PPP6R2: variants seen among roughly 807,000 people sequenced by gnomAD.
PPP6R2 encodes serine/threonine-protein phosphatase 6 regulatory subunit 2.
In PPP6R2, 62 loss-of-function variants were observed where a neutral mutation model predicts 100.2. That is an observed-to-expected ratio of 0.62 (90% confidence interval 0.50 to 0.76). The LOEUF (loss-of-function observed/expected upper bound fraction) is 0.76. Ranked by LOEUF, PPP6R2 falls within the 30% of genes least tolerant of loss-of-function variation. PPP6R2 has a pLI of 0.00. For missense variants in PPP6R2, 1,142 were observed against 1,276.3 expected, an observed-to-expected ratio of 0.89 and a Z score of 1.60; for synonymous variants, 525 against 514.7, an observed-to-expected ratio of 1.02 and a Z score of -0.27.
chr22:50,385,598 C>G (rs1443079602), intron 2 of PPP6R2, among the ~76,000 whole-genome samples: 1 of 151,136 alleles, frequency 6.6e-6, no homozygotes, highest in African/African-American at 2.4e-5. Flanking sequence ...TCACTGCAAC[C>G]TCTCCCTCCC....
the PPP6R2 span, among the ~76,000 whole-genome samples, chr22:50,332,827 T>G: frequency 2.6e-5 from 4 of 152,052 alleles, no homozygotes; most frequent in Admixed American, 6.6e-5. Flanking sequence ...TTTCACCATG[T>G]TGGCCAGGAT....
rs371735944 is a variant in PPP6R2 at position 50,406,730 on chromosome 22, C to T, written c.269C>T (p.Pro90Leu). The T allele has an allele frequency of 9.9e-6, 16 of 1,613,944 alleles. No individual in the cohort carries two copies. Among genetic ancestry groups the T allele is most frequent in the East Asian group, 4.5e-5 (2 of 44,888 alleles). ...TGTGAGCTTCTGACTTGTGATGTGC[C>T]GCAGATCAGCGACCGCCTCGGTGGG... ...TACELLTCDV[P>L]QISDRLGGDE... Residue 90 changes from proline (P) to leucine (L), a missense_variant, in exon 4 of 24, where the codon CCG becomes CTG. Around this residue, in one of 2 missense-constraint regions of PPP6R2, gnomAD observed 592 missense variants for 758.9 expected, o/e 0.78. Coordinates refer to ENST00000612753, the MANE Select transcript of PPP6R2 (RefSeq NM_001242898.2).
chr22:50,424,173 G>C (rs9637354), intron 10 of PPP6R2, among the ~76,000 whole-genome samples: 56,810 of 152,038 alleles, frequency 0.37, 11,033 homozygotes, highest in East Asian at 0.65. Context: ...GAGAGCATGA[G>C]GCTGCTCCCC....
intron 4 of PPP6R2, among the ~76,000 whole-genome samples, chr22:50,412,016 G>C (rs1285536627): frequency 6.6e-6 from 1 of 151,968 alleles, no homozygotes; most frequent in Non-Finnish European, 1.5e-5. Flanking sequence ...CTGCACTCCA[G>C]CCTGGGCCAG....
chr22:50,441,107 C>G, intron 22 of PPP6R2, 81 bp downstream of exon 22: 1 of 1,247,760 alleles, frequency 8.0e-7, no homozygotes, highest in Non-Finnish European at 1.1e-6. Context: ...CTCAGCTCCC[C>G]TGAGAGGAGG....
At chr22:50,421,338 G>A (rs1164879459) in intron 8 of PPP6R2, among the ~76,000 whole-genome samples, 1 of 152,074 alleles carries the variant, frequency 6.6e-6, no homozygotes, top group Non-Finnish European at 1.5e-5. Context: ...TTAGATTATT[G>A]TGATTATTAT....
chr22:50,372,878 G>A (rs1021852781), intron 2 of PPP6R2, among the ~76,000 whole-genome samples: 1 of 151,868 alleles, frequency 6.6e-6, no homozygotes, highest in Non-Finnish European at 1.5e-5. Flanking sequence ...TAGTAGAGAC[G>A]GGGTTTCACC....
At chr22:50,440,081 C>CT (rs771534574) in intron 21 of PPP6R2, 32 bp downstream of exon 21, 2 of 1,583,630 alleles carry the variant, frequency 1.3e-6, no homozygotes, top group South Asian at 2.2e-5. Flanking sequence ...GGCACCCAGC[C>CT]TTGCCCAGTT....
Position 50,444,424 on chromosome 22 carries a change from G to A in PPP6R2, c.*177G>A, listed in dbSNP as rs1257919134. On this transcript the variant is annotated 3_prime_UTR_variant, in exon 24 of 24. Transcript: ENST00000612753. ...GGCCCAGCTTGCGTCTCTTCTGCCT[G>A]AGTGGGCCTCTCAGGTCACTCGTGC... 22 of 820,456 alleles carry A rather than the reference G, an allele frequency of 2.7e-5. No homozygotes were observed. The highest frequency in any genetic ancestry group is 3.9e-5 in the Non-Finnish European group (21 of 534,102). 50.8% of individuals were successfully genotyped at this position (820,456 alleles called of 1,614,324 possible).
chr22:50,436,383 C>T lies in PPP6R2; in HGVS notation c.1533C>T (p.Cys511=), dbSNP rs1463059068. Residue 511 remains cysteine, a synonymous_variant, in exon 14 of 24, where the codon TGC becomes TGT. Coordinates refer to ENST00000612753, the MANE Select transcript of PPP6R2 (RefSeq NM_001242898.2). ...SEVIRGLPAD[C]RGRWESFVEE... ...CCCTTGCAGGGCTCCCTGCGGACTG[C>T]CGTGGCCGCTGGGAGAGCTTCGTGG... The T allele has an allele frequency of 3.2e-6, 5 of 1,581,330 alleles. No homozygotes were observed. The Admixed American group carries it at 5.6e-5, about 18-fold the overall frequency.
chr22:50,396,590 G>GAC (rs1165689307), intron 3 of PPP6R2, among the ~76,000 whole-genome samples: 2 of 152,154 alleles, frequency 1.3e-5, no homozygotes, highest in East Asian at 3.9e-4. Context: ...AGTCTTGTTA[G>GAC]ACACAGCCAC....
upstream of PPP6R2, among the ~76,000 whole-genome samples, chr22:50,338,727 T>TGTGTA (rs1470596320): frequency 7.3e-6 from 1 of 136,764 alleles, no homozygotes; most frequent in African/African-American, 2.8e-5. Context: ...GTGTGTGTGG[T>TGTGTA]GTGTAGTGTG....
intron 2 of PPP6R2, 26 bp from the exon 3 acceptor site, chr22:50,393,867 C>A: frequency 6.2e-7 from 1 of 1,612,668 alleles, no homozygotes; most frequent in Non-Finnish European, 8.5e-7. Context: ...GGGTGAGAGA[C>A]GTGACCCCTT....
At chr22:50,425,011 C>T (rs1277625831) in intron 10 of PPP6R2, among the ~76,000 whole-genome samples, 1 of 152,182 alleles carries the variant, frequency 6.6e-6, no homozygotes, top group Non-Finnish European at 1.5e-5. Context: ...GGTAAAATAT[C>T]ATAACATAAA....
intron 1 of PPP6R2, among the ~76,000 whole-genome samples, chr22:50,349,810 C>T (rs2044606655): frequency 1.4e-5 from 2 of 139,418 alleles, no homozygotes; most frequent in Admixed American, 7.2e-5. Flanking sequence ...AGTGAAACTC[C>T]ATCTTAAAAA....
upstream of PPP6R2, among the ~76,000 whole-genome samples, chr22:50,339,638 TGTG>T (rs1407531812): frequency 3.4e-4 from 42 of 124,392 alleles, no homozygotes; most frequent in African/African-American, 1.3e-3. Context: ...TGTTATGTGG[TGTG>T]TGTGTAGGGT....
At chr22:50,367,232 G>A (rs532019369) in intron 1 of PPP6R2, among the ~76,000 whole-genome samples, 4 of 152,192 alleles carry the variant, frequency 2.6e-5, no homozygotes, top group African/African-American at 9.6e-5. Flanking sequence ...GGCAGAGGTG[G>A]CTTTCTCCCG....
At chr22:50,397,782 C>T (rs112260617) in intron 3 of PPP6R2, among the ~76,000 whole-genome samples, 2 of 59,116 alleles carry the variant, frequency 3.4e-5, no homozygotes, top group African/African-American at 1.9e-4. Flanking sequence ...TCCTCACCAG[C>T]CTTGTCATCT....
Position 50,433,420 on chromosome 22 carries a change from A to G in PPP6R2, c.1400+1091A>G, listed in dbSNP as rs112551202. On this transcript the variant is annotated intron_variant, in intron 12 of 23. Coordinates refer to ENST00000612753, the MANE Select transcript of PPP6R2 (RefSeq NM_001242898.2). Reference sequence around the variant, plus strand: ...GTGAACCTGGAGGAGGGCTGGGGGCATGGATGCTGGGCAGGGGCCGGGCAC... The same window carrying G: ...GTGAACCTGGAGGAGGGCTGGGGGCGTGGATGCTGGGCAGGGGCCGGGCAC... 4.4e-5 allele frequency among the ~76,000 whole-genome samples: 2 copies of G among 44,970 alleles called. 1 individual carries two copies. Among genetic ancestry groups the G allele is most frequent in the East Asian group, 4.4e-3 (2 of 456 alleles). 29.5% of individuals were successfully genotyped at this position (44,970 alleles called of 152,430 possible).
Sources: gnomAD v4.1 joint callset for allele counts (sites outside exome capture counted in the v4.1 genomes callset) on GRCh38, gnomAD v4.1.1 for gene constraint, gnomAD v4.1.1 regional missense constraint, MANE v1.5 for transcripts, NCBI Gene and HGNC (gene_info 2026-07-23, HGNC 2026-07-21) for gene names.